Variants in CDH2 observed in about 807,000 individuals in gnomAD.
CDH2 encodes the protein cadherin 2.
Under a neutral mutation model 92.0 loss-of-function variants are expected in CDH2, and 17 were observed. The observed-to-expected ratio is 0.18, with a 90% CI of 0.13 to 0.28. The LOEUF (loss-of-function observed/expected upper bound fraction) is 0.28, where lower values mean the gene tolerates loss of function less well. Ranked by LOEUF, CDH2 falls within the 10% of genes least tolerant of loss-of-function variation. The pLI is 1.00. For synonymous variants in CDH2, 419 were observed against 415.9 expected, an observed-to-expected ratio of 1.01 and a Z score of -0.09; for missense variants, 862 against 1,133.1, an observed-to-expected ratio of 0.76 and a Z score of 3.44.
At chr18:28,031,883 C>T (rs1044584526) in intron 2 of CDH2, among the ~76,000 whole-genome samples, 4 of 151,988 alleles carry the variant, frequency 2.6e-5, no homozygotes, top group African/African-American at 9.7e-5. Context: ...CCGACTTGTC[C>T]AGTCAAATCA....
Position 27,951,881 on chromosome 18 carries a change from C to A in CDH2, c.*272G>T. 1 of 418,628 alleles carries A rather than the reference C, an allele frequency of 2.4e-6. No individual in the cohort carries two copies. The highest frequency in any genetic ancestry group is 4.4e-6 in the Non-Finnish European group (1 of 227,618). 25.9% of individuals were successfully genotyped at this position (418,628 alleles called of 1,614,324 possible). A position where few individuals can be genotyped will look rare whatever the true frequency, so the allele number is the denominator to read the frequency against. ...TACCATTAAAGCCTTAAACAGAAAA[C>A]TAATTCCAATCTGAAAAAGGTACAA... On this transcript the variant is annotated 3_prime_UTR_variant, in exon 16 of 16. Transcript: ENST00000269141.
chr18:28,014,107 G>A (rs1431360119), intron 2 of CDH2, among the ~76,000 whole-genome samples, 198 bp from the exon 3 acceptor site: 1 of 152,038 alleles, frequency 6.6e-6, no homozygotes, highest in Non-Finnish European at 1.5e-5. Context: ...TCTGAGCTGT[G>A]CCCTAGCATT....
At chr18:27,957,895 G>C (rs532829417) in intron 15 of CDH2, among the ~76,000 whole-genome samples, 5 of 152,272 alleles carry the variant, frequency 3.3e-5, no homozygotes, top group African/African-American at 1.2e-4. Flanking sequence ...TTTTGATGCA[G>C]AAGGAGTGGA....
At chr18:28,062,951 T>A (rs2014432583) in intron 2 of CDH2, among the ~76,000 whole-genome samples, 1 of 152,080 alleles carries the variant, frequency 6.6e-6, no homozygotes, top group African/African-American at 2.4e-5. Flanking sequence ...CCAGCCTGGG[T>A]GACAGATCAT....
At chr18:28,038,931 C>A (rs980070929) in intron 2 of CDH2, among the ~76,000 whole-genome samples, 1 of 152,094 alleles carries the variant, frequency 6.6e-6, no homozygotes, top group African/African-American at 2.4e-5. Flanking sequence ...ATTTGAGTAC[C>A]TACTGAATGC....
At chr18:27,991,073 C>T (rs936577196) in intron 9 of CDH2, among the ~76,000 whole-genome samples, 2 of 152,122 alleles carry the variant, frequency 1.3e-5, no homozygotes, top group African/African-American at 4.8e-5. Context: ...GCACAAATAA[C>T]CCTTCATGTA....
chr18:28,027,803 C>A (rs1364533671), intron 2 of CDH2, among the ~76,000 whole-genome samples: 1 of 151,012 alleles, frequency 6.6e-6, no homozygotes, highest in African/African-American at 2.4e-5. Flanking sequence ...CAGAATCCAG[C>A]TAAAAATATA....
intron 7 of CDH2, among the ~76,000 whole-genome samples, chr18:27,996,610 C>G (rs944165231): frequency 3.9e-5 from 6 of 152,174 alleles, no homozygotes; most frequent in South Asian, 2.1e-4. Flanking sequence ...TGGCTGTTAT[C>G]AGTCGTATGT....
chr18:28,147,782 C>A lies in CDH2; in HGVS notation c.63G>T (p.Ala21=). 3 of 1,567,864 alleles carry A rather than the reference C, an allele frequency of 1.9e-6. No individual in the cohort carries two copies. The highest frequency in any genetic ancestry group is 1.2e-5 in the South Asian group (1 of 85,826). ...LLPLLAALLQ[A]SVEASGEIAL... Reference sequence around the variant, plus strand: ...CGATTTCACCAGAAGCCTCTACAGACGCCTGCAACACAAGAAAAAAAAAAA... The same window carrying A: ...CGATTTCACCAGAAGCCTCTACAGAAGCCTGCAACACAAGAAAAAAAAAAA... The change falls in exon 2 of 16, where the codon GCG becomes GCT. Residue 21 remains alanine, a splice_region_variant and synonymous_variant. Transcript: ENST00000269141.
intron 13 of CDH2, 90 bp from the exon 14 acceptor site, chr18:27,983,173 T>C (rs2012115192): frequency 2.1e-6 from 2 of 934,060 alleles, no homozygotes; most frequent in Admixed American, 2.5e-5. Flanking sequence ...TAATTTATAC[T>C]TATATGAACT....
chr18:28,056,280 ATTGAAC>A (rs2014291396), intron 2 of CDH2, among the ~76,000 whole-genome samples: 1 of 152,136 alleles, frequency 6.6e-6, no homozygotes. Context: ...CTTTCTAAAA[ATTGAAC>A]TTTACTATCA....
chr18:28,000,912 A>T (rs1052754362), intron 7 of CDH2, among the ~76,000 whole-genome samples: 4 of 152,182 alleles, frequency 2.6e-5, no homozygotes, highest in African/African-American at 7.2e-5. Context: ...AAGAATTTCA[A>T]GTCTGCACGA....
chr18:27,973,661 C>T (rs1026661094), intron 14 of CDH2, among the ~76,000 whole-genome samples: 2 of 152,182 alleles, frequency 1.3e-5, no homozygotes, highest in Non-Finnish European at 2.9e-5. Flanking sequence ...ATTCAAGTAC[C>T]TAACCTGGGT....
chr18:28,019,662 A>T (rs1469047269), intron 2 of CDH2, among the ~76,000 whole-genome samples: 1 of 152,118 alleles, frequency 6.6e-6, no homozygotes, highest in Non-Finnish European at 1.5e-5. Flanking sequence ...CAGTCATTTA[A>T]AGTCAATTGG....
intron 2 of CDH2, among the ~76,000 whole-genome samples, chr18:28,075,903 TA>T (rs2014709712): frequency 6.6e-6 from 1 of 152,216 alleles, no homozygotes; most frequent in Admixed American, 6.5e-5. Flanking sequence ...GAAAGAATGG[TA>T]ATTCTTCTTA....
intron 14 of CDH2, among the ~76,000 whole-genome samples, chr18:27,971,191 A>G (rs1220158): frequency 0.96 from 145,943 of 151,642 alleles, 70,467 homozygotes; most frequent in East Asian, 1. Context: ...AGCCAAGATC[A>G]CACCACTGCA....
At chr18:27,980,184 C>T (rs1041201689) in intron 14 of CDH2, among the ~76,000 whole-genome samples, 1 of 152,150 alleles carries the variant, frequency 6.6e-6, no homozygotes, top group Admixed American at 6.5e-5. Flanking sequence ...AAACTTAAGT[C>T]ACCGTGAGTC....
chr18:28,043,165 G>A (rs924180024), intron 2 of CDH2, among the ~76,000 whole-genome samples: 3 of 152,142 alleles, frequency 2.0e-5, no homozygotes, highest in African/African-American at 7.2e-5. Flanking sequence ...GGATGGAGCT[G>A]GAGGCCATTA....
intron 2 of CDH2, among the ~76,000 whole-genome samples, chr18:28,129,786 A>T (rs1360851346): frequency 6.6e-6 from 1 of 152,230 alleles, no homozygotes; most frequent in African/African-American, 2.4e-5. Context: ...CTGGGATCGT[A>T]CATTTATCTC....
Sources: allele counts gnomAD v4.1 joint callset (sites outside exome capture counted in the v4.1 genomes callset), GRCh38; gene constraint gnomAD v4.1.1; transcripts MANE v1.5; gene names NCBI Gene and HGNC (gene_info 2026-07-23, HGNC 2026-07-21).